The following MAP3K20 variants were observed in gnomAD, a reference collection of about 807,000 sequenced individuals.
MAP3K20 encodes the protein mitogen-activated protein kinase kinase kinase 20, also known as HCCS-4.
Under a neutral mutation model 85.7 loss-of-function variants are expected in MAP3K20, and 40 were observed. The observed-to-expected ratio is 0.47, with a 90% CI of 0.36 to 0.61. The LOEUF is 0.61. Ranked by LOEUF, MAP3K20 falls within the 20% of genes least tolerant of loss-of-function variation. The pLI is 0.00. For synonymous variants in MAP3K20, 325 were observed against 327.7 expected (o/e 0.99, Z 0.09); for missense variants, 817 against 961.7 (o/e 0.85, Z 1.99).
At chr2:173,264,332 T>C (rs1685363050) in intron 19 of MAP3K20, among the ~76,000 whole-genome samples, 1 of 152,142 alleles carries the variant, frequency 6.6e-6, no homozygotes. Context: ...GGCTCAACCA[T>C]ATTCAGAGAG....
intron 1 of MAP3K20, among the ~76,000 whole-genome samples, chr2:173,084,592 G>A (rs1413618038): frequency 2.6e-5 from 4 of 151,994 alleles, no homozygotes; most frequent in Admixed American, 1.3e-4. Context: ...GCAAAGAGAG[G>A]GAAAGGATTC....
chr2:173,196,301 C>T (rs1275531463), intron 7 of MAP3K20, among the ~76,000 whole-genome samples: 1 of 152,174 alleles, frequency 6.6e-6, no homozygotes, highest in East Asian at 1.9e-4. Context: ...GGCTCCATTT[C>T]CTGCTCAGCC....
At chr2:173,206,930 CT>C (rs35387016) in intron 9 of MAP3K20, among the ~76,000 whole-genome samples, 37,444 of 143,980 alleles carry the variant, frequency 0.26, 4,853 homozygotes, top group Admixed American at 0.28. Flanking sequence ...AAAGTACTTT[CT>C]TTTTTTTTTT....
chr2:173,189,466 G>A (rs994446581), intron 5 of MAP3K20, among the ~76,000 whole-genome samples: 3 of 152,094 alleles, frequency 2.0e-5, no homozygotes, highest in African/African-American at 7.2e-5. Context: ...CTCCTCTTAT[G>A]CTCTGAGTCT....
chr2:173,203,388 T>C (rs1411245187), intron 8 of MAP3K20, among the ~76,000 whole-genome samples: 4 of 152,232 alleles, frequency 2.6e-5, no homozygotes, highest in Non-Finnish European at 4.4e-5. Flanking sequence ...CAGAGTTGTA[T>C]ACCTACTGCC....
intron 16 of MAP3K20, among the ~76,000 whole-genome samples, chr2:173,246,039 G>A (rs1031220189): frequency 2.0e-5 from 3 of 152,182 alleles, no homozygotes; most frequent in Non-Finnish European, 2.9e-5. Context: ...TCCCATGCTA[G>A]GGATAATTAT....
At chr2:173,097,053 C>G (rs1687482313) in intron 2 of MAP3K20, among the ~76,000 whole-genome samples, 1 of 152,196 alleles carries the variant, frequency 6.6e-6, no homozygotes, top group Admixed American at 6.5e-5. Flanking sequence ...CCCAACATGA[C>G]AAAGAGTTCA....
intron 3 of MAP3K20, among the ~76,000 whole-genome samples, chr2:173,172,099 GT>G (rs1426731100): frequency 6.6e-6 from 1 of 152,184 alleles, no homozygotes; most frequent in Non-Finnish European, 1.5e-5. Context: ...CAGTTTGGGA[GT>G]GAAGAAATCA....
At position 173,094,921 on chromosome 2, in the gene MAP3K20, TC is replaced by T. The variant is rs138068445; in HGVS notation, c.159+3733del. 8.7e-3 allele frequency among the ~76,000 whole-genome samples: 1,325 copies of T among 152,346 alleles called. 17 individuals carry two copies. The highest frequency in any genetic ancestry group is 0.03 in the African/African-American group (1,265 of 41,580). On this transcript the variant is annotated intron_variant, in intron 2 of 19. Transcript: ENST00000375213. ...TACTTTGAAGCTAAGTAAATATCTTTCCTCAGCAAACATTTACTAATGTTTT... is the reference window on the plus strand; with the variant it reads ...TACTTTGAAGCTAAGTAAATATCTTTCTCAGCAAACATTTACTAATGTTTT...
chr2:173,201,857 T>C (rs1348684316), intron 8 of MAP3K20, among the ~76,000 whole-genome samples: 3 of 152,184 alleles, frequency 2.0e-5, no homozygotes, highest in Admixed American at 6.5e-5. Flanking sequence ...TTTGGCCATG[T>C]CAGATTATTT....
intron 2 of MAP3K20, among the ~76,000 whole-genome samples, chr2:173,167,983 T>A (rs1190688487): frequency 6.6e-6 from 1 of 152,192 alleles, no homozygotes; most frequent in Non-Finnish European, 1.5e-5. Flanking sequence ...TAATGCTTTA[T>A]TCACAAACAG....
intron 2 of MAP3K20, among the ~76,000 whole-genome samples, chr2:173,126,534 C>T (rs1688449676): frequency 6.6e-6 from 1 of 152,100 alleles, no homozygotes; most frequent in Non-Finnish European, 1.5e-5. Context: ...CATGCACCAT[C>T]ACACCTAGCT....
intron 8 of MAP3K20, among the ~76,000 whole-genome samples, chr2:173,199,742 TTAA>T (rs1690981252): frequency 6.6e-6 from 1 of 151,690 alleles, no homozygotes; most frequent in Non-Finnish European, 1.5e-5. Flanking sequence ...GACAGAATAA[TTAA>T]TATTTTTAAA....
Position 173,237,945 on chromosome 2 carries a change from A to T in MAP3K20, c.1204-428A>T, listed in dbSNP as rs571585475. 1.2e-4 allele frequency among the ~76,000 whole-genome samples: 19 copies of T among 152,340 alleles called. No individual in the cohort carries two copies. The East Asian group carries it at 3.5e-3, about 28-fold the overall frequency. ...CTTTGAGAGGCCAAGGCAGGAGGCC[A>T]GGATTTCAAGACCAGCCTGGGCCAC... On this transcript the variant is annotated intron_variant, in intron 14 of 19. Transcript: ENST00000375213.
intron 14 of MAP3K20, among the ~76,000 whole-genome samples, chr2:173,236,684 C>T (rs1387346813): frequency 6.6e-6 from 1 of 152,126 alleles, no homozygotes; most frequent in Non-Finnish European, 1.5e-5. Flanking sequence ...CTAAACTCAG[C>T]CAGAGCATGG....
At chr2:173,135,734 A>C (rs1170724708) in intron 2 of MAP3K20, among the ~76,000 whole-genome samples, 1 of 152,178 alleles carries the variant, frequency 6.6e-6, no homozygotes, top group Non-Finnish European at 1.5e-5. Context: ...ATTTCTCTGA[A>C]TTGTAAATGT....
intron 7 of MAP3K20, among the ~76,000 whole-genome samples, chr2:173,192,387 A>AT (rs1690682304): frequency 6.6e-6 from 1 of 152,196 alleles, no homozygotes; most frequent in Non-Finnish European, 1.5e-5. Flanking sequence ...ATACCAAATT[A>AT]ATAAAGATTA....
At chr2:173,089,581 G>A (rs1262333914) in intron 1 of MAP3K20, among the ~76,000 whole-genome samples, 2 of 148,298 alleles carry the variant, frequency 1.3e-5, no homozygotes, top group Non-Finnish European at 3.0e-5. Context: ...TGTAGTCATC[G>A]TGTTTCCCTT....
intron 2 of MAP3K20, among the ~76,000 whole-genome samples, chr2:173,100,638 C>T (rs3754746): frequency 0.036 from 5,408 of 152,236 alleles, 143 homozygotes; most frequent in South Asian, 0.12. Context: ...TTGCATTCAC[C>T]TACATAGTAA....
Sources: gnomAD v4.1 joint callset for allele counts (sites outside exome capture counted in the v4.1 genomes callset) on GRCh38, gnomAD v4.1.1 for gene constraint, MANE v1.5 for transcripts, NCBI Gene and HGNC (gene_info 2026-07-23, HGNC 2026-07-21) for gene names.